Variants in DYNC1I1 observed in about 807,000 individuals in gnomAD.
DYNC1I1 encodes the protein cytoplasmic dynein 1 intermediate chain 1.
In DYNC1I1, 43 loss-of-function variants were observed where a neutral mutation model predicts 86.6. The observed-to-expected ratio is 0.50, with a 90% confidence interval of 0.39 to 0.64. The LOEUF (loss-of-function observed/expected upper bound fraction) is 0.64, where lower values mean the gene tolerates loss of function less well. Among genes scored for constraint, DYNC1I1 ranks in the 30% least tolerant of loss-of-function variants. The pLI, the probability that DYNC1I1 is intolerant of heterozygous loss-of-function variation, is 0.00. For missense variants in DYNC1I1, 604 were observed against 788.8 expected (o/e 0.77, Z 2.81); for synonymous variants, 262 against 283.7 (o/e 0.92, Z 0.77).
chr7:95,977,442 TCCCACTATC>T (rs1793334202), intron 6 of DYNC1I1, 61 bp from the exon 7 acceptor site: 1 of 1,463,076 alleles, frequency 6.8e-7, no homozygotes, highest in Non-Finnish European at 9.4e-7. Context: ...TACCCCTACC[TCCCACTATC>T]AACCAAAGAC....
chr7:95,818,459 A>G, intron 4 of DYNC1I1: 2 of 675,178 alleles, frequency 3.0e-6, no homozygotes, highest in South Asian at 1.6e-5. Flanking sequence ...ATACCACCAC[A>G]CCCAGCTGAT....
chr7:96,051,486 C>T (rs1789403357), intron 14 of DYNC1I1, among the ~76,000 whole-genome samples: 1 of 152,168 alleles, frequency 6.6e-6, no homozygotes, highest in East Asian at 1.9e-4. Context: ...ATCCAAGAAC[C>T]TTTCGTGATA....
At chr7:95,829,471 G>A (rs1370045888) in intron 5 of DYNC1I1, among the ~76,000 whole-genome samples, 2 of 152,106 alleles carry the variant, frequency 1.3e-5, no homozygotes, top group East Asian at 1.9e-4. Flanking sequence ...AGCAGAGAAT[G>A]TATGGTAAGT....
At chr7:95,871,322 T>C (rs1410601484) in intron 6 of DYNC1I1, among the ~76,000 whole-genome samples, 4 of 152,068 alleles carry the variant, frequency 2.6e-5, no homozygotes, top group African/African-American at 9.7e-5. Flanking sequence ...ATGAGACCTG[T>C]ATATTAACGT....
intron 6 of DYNC1I1, among the ~76,000 whole-genome samples, chr7:95,921,912 C>T (rs889087869): frequency 6.6e-6 from 1 of 152,104 alleles, no homozygotes; most frequent in Non-Finnish European, 1.5e-5. Flanking sequence ...AGTATTGTAT[C>T]TAGACTTGAG....
At chr7:95,805,112 C>T (rs1794672215) in intron 2 of DYNC1I1, among the ~76,000 whole-genome samples, 1 of 152,110 alleles carries the variant, frequency 6.6e-6, no homozygotes, top group Admixed American at 6.6e-5. Context: ...AGGATGGTCT[C>T]TGATCTTGTT....
chr7:96,039,424 A>G lies in DYNC1I1; in HGVS notation c.1509+3A>G. The stretch of plus-strand genomic sequence containing the variant: ...CTGTCAAACTGTGGACCACCAAGGT[A>G]AGAATATCTTGACTGAAATTCTCAG... On this transcript the variant is annotated splice_donor_region_variant and intron_variant, in intron 14 of 16. Transcript: ENST00000447467. The G allele has an allele frequency of 6.2e-7, 1 of 1,613,898 alleles. No homozygotes were observed. The highest frequency in any genetic ancestry group is 8.5e-7 in the Non-Finnish European group (1 of 1,179,900).
At chr7:95,932,931 A>T (rs1255140428) in intron 6 of DYNC1I1, among the ~76,000 whole-genome samples, 2 of 142,042 alleles carry the variant, frequency 1.4e-5, no homozygotes, top group African/African-American at 5.2e-5. Context: ...CCCAGACTTG[A>T]GTACAGTGGC....
chr7:95,976,320 A>G (rs1294797225), intron 6 of DYNC1I1, among the ~76,000 whole-genome samples: 3 of 152,184 alleles, frequency 2.0e-5, no homozygotes, highest in Non-Finnish European at 4.4e-5. Flanking sequence ...TATTTTACAT[A>G]TCTGTATTTT....
At chr7:96,062,742 C>T (rs569921381) in intron 14 of DYNC1I1, among the ~76,000 whole-genome samples, 2 of 152,274 alleles carry the variant, frequency 1.3e-5, no homozygotes, top group East Asian at 3.9e-4. Flanking sequence ...CCAACTCACT[C>T]CCCATCTCAC....
chr7:96,001,820 T>C (rs1397625580), intron 10 of DYNC1I1, among the ~76,000 whole-genome samples: 3 of 152,076 alleles, frequency 2.0e-5, no homozygotes, highest in Admixed American at 6.5e-5. Flanking sequence ...TACAGTCACA[T>C]TGAGGGTGGG....
downstream of DYNC1I1, chr7:96,110,236 T>A (rs752043231): frequency 7.8e-5 from 20 of 254,818 alleles, no homozygotes; most frequent in Non-Finnish European, 1.2e-4. Context: ...GAGGATTTCA[T>A]GTGTTTGCGA....
Position 96,067,840 on chromosome 7 carries a change from A to G in DYNC1I1, c.1510-8217A>G, listed in dbSNP as rs138380221. 8.1e-3 allele frequency among the ~76,000 whole-genome samples: 1,235 copies of G among 151,960 alleles called. 12 individuals are homozygous for G. Among genetic ancestry groups the G allele is most frequent in the African/African-American group, 0.028 (1,167 of 41,432 alleles). Reference sequence around the variant, plus strand: ...TATATTAAACGAGTTGCCTTCCCCAACCTCCTCCTCCTAAGTAATAATGTT... The same window carrying G: ...TATATTAAACGAGTTGCCTTCCCCAGCCTCCTCCTCCTAAGTAATAATGTT... On this transcript the variant is annotated intron_variant, in intron 14 of 16. Coordinates refer to ENST00000447467, the MANE Select transcript of DYNC1I1 (RefSeq NM_001135556.2).
At chr7:96,105,989 G>A (rs577073441) in intron 16 of DYNC1I1, among the ~76,000 whole-genome samples, 1 of 152,156 alleles carries the variant, frequency 6.6e-6, no homozygotes, top group South Asian at 2.1e-4. Context: ...GAATCATAAT[G>A]ACATCTCTTT....
chr7:95,887,293 G>A (rs1340523571), intron 6 of DYNC1I1, among the ~76,000 whole-genome samples: 1 of 152,132 alleles, frequency 6.6e-6, no homozygotes, highest in Admixed American at 6.5e-5. Context: ...GAAGATCACT[G>A]ATCTAATCAA....
At chr7:96,037,205 A>G (rs1231551166) in intron 13 of DYNC1I1, among the ~76,000 whole-genome samples, 2 of 152,234 alleles carry the variant, frequency 1.3e-5, no homozygotes, top group Admixed American at 1.3e-4. Context: ...TTAGGAAGAT[A>G]TGCCTCACAG....
chr7:95,916,252 C>A (rs1185573852), intron 6 of DYNC1I1, among the ~76,000 whole-genome samples: 1 of 152,180 alleles, frequency 6.6e-6, no homozygotes, highest in Non-Finnish European at 1.5e-5. Flanking sequence ...TATAAAGTCA[C>A]TTCATTGTGG....
chr7:95,786,584 C>A (rs971432489), intron 1 of DYNC1I1, among the ~76,000 whole-genome samples: 2 of 152,108 alleles, frequency 1.3e-5, no homozygotes, highest in Admixed American at 6.5e-5. Context: ...CTCATTATAC[C>A]GAATTAACAT....
intron 10 of DYNC1I1, among the ~76,000 whole-genome samples, chr7:96,000,687 A>G (rs1033913937): frequency 6.6e-6 from 1 of 152,214 alleles, no homozygotes; most frequent in Admixed American, 6.5e-5. Flanking sequence ...GGAAGCTGGA[A>G]GCAGAAAACC....
Sources: gnomAD v4.1 joint callset for allele counts (sites outside exome capture counted in the v4.1 genomes callset) on GRCh38, gnomAD v4.1.1 for gene constraint, MANE v1.5 for transcripts, NCBI Gene and HGNC (gene_info 2026-07-23, HGNC 2026-07-21) for gene names.